Variants in LRRC1 observed in about 807,000 individuals in gnomAD.
LRRC1 encodes leucine-rich repeat-containing protein 1.
In LRRC1, 28 loss-of-function variants were observed where a neutral mutation model predicts 69.9. That is an observed-to-expected ratio of 0.40 (90% CI 0.30 to 0.55). LRRC1 has a LOEUF of 0.55. LRRC1 is among the 20% of genes least tolerant of loss of function. The probability of loss-of-function intolerance (pLI) is 0.47; values close to 1 mark genes in which losing one functional copy is unlikely to be tolerated. For missense variants in LRRC1, 498 were observed against 609.0 expected, an observed-to-expected ratio of 0.82 and a Z score of 1.92; for synonymous variants, 236 against 240.2, an observed-to-expected ratio of 0.98 and a Z score of 0.16.
At chr6:53,845,758 A>G (rs1765923707) in intron 2 of LRRC1, among the ~76,000 whole-genome samples, 1 of 152,222 alleles carries the variant, frequency 6.6e-6, no homozygotes. Flanking sequence ...GTTGCAGTAG[A>G]TCCAGAGTGG....
At chr6:53,809,452 G>T (rs1018671969) in intron 1 of LRRC1, among the ~76,000 whole-genome samples, 1 of 152,184 alleles carries the variant, frequency 6.6e-6, no homozygotes, top group Non-Finnish European at 1.5e-5. Context: ...TAACTATAGT[G>T]ATTCACTGAA....
At chr6:53,910,748 A>G (rs746944363) in intron 10 of LRRC1, among the ~76,000 whole-genome samples, 3 of 152,246 alleles carry the variant, frequency 2.0e-5, no homozygotes, top group Non-Finnish European at 4.4e-5. Flanking sequence ...ATCCAAAACC[A>G]CAAAACATAT....
intron 2 of LRRC1, among the ~76,000 whole-genome samples, chr6:53,875,170 C>T (rs1767024300): frequency 6.6e-6 from 1 of 152,142 alleles, no homozygotes; most frequent in Non-Finnish European, 1.5e-5. Flanking sequence ...GCCTTTGACA[C>T]AGTAATTCTA....
chr6:53,886,514 A>G (rs188884096), intron 4 of LRRC1, among the ~76,000 whole-genome samples: 12 of 152,348 alleles, frequency 7.9e-5, no homozygotes, highest in Middle Eastern at 3.4e-3. Context: ...GTGCAGTTCA[A>G]AGACAATCAT....
intron 9 of LRRC1, among the ~76,000 whole-genome samples, chr6:53,903,061 C>G (rs916927702): frequency 6.6e-6 from 1 of 152,120 alleles, no homozygotes; most frequent in African/African-American, 2.4e-5. Flanking sequence ...CTGTGGTGCC[C>G]AGAGACCACC....
chr6:53,851,606 A>T (rs142866694), intron 2 of LRRC1, among the ~76,000 whole-genome samples: 5 of 152,320 alleles, frequency 3.3e-5, no homozygotes, highest in African/African-American at 1.2e-4. Context: ...ACCCTCACAG[A>T]TACACCTAGA....
At chr6:53,896,988 T>C (rs1767895688) in intron 6 of LRRC1, 96 bp downstream of exon 6, 1 of 792,080 alleles carries the variant, frequency 1.3e-6, no homozygotes, top group African/African-American at 1.7e-5. Flanking sequence ...GAAGCCAGTA[T>C]TTCCACAGAT....
At chr6:53,807,745 C>T (rs1441399626) in intron 1 of LRRC1, among the ~76,000 whole-genome samples, 2 of 73,170 alleles carry the variant, frequency 2.7e-5, no homozygotes, top group East Asian at 6.2e-4. Flanking sequence ...AACTCCGTGT[C>T]GTCAACAACA....
rs1441296052 is a variant in LRRC1 at position 53,795,351 on chromosome 6, A to G, written c.95A>G (p.Tyr32Cys). 1.2e-6 allele frequency: 2 copies of G among 1,613,602 alleles called. No homozygotes were observed. The highest frequency in any genetic ancestry group is 2.2e-5 in the East Asian group (1 of 44,860). The part of the protein sequence containing the change: ...CSLVYVPEEI[Y>C]RYARSLEELL... ...CTGGTCTACGTCCCCGAGGAGATCT[A>G]CCGCTATGCCCGGAGCCTGGAGGAG... Residue 32 changes from tyrosine to cysteine, a missense_variant, in exon 1 of 14, where the codon TAC becomes TGC. Coordinates refer to ENST00000370888, the MANE Select transcript of LRRC1 (RefSeq NM_018214.5).
chr6:53,878,907 T>C (rs776066536), intron 2 of LRRC1, 86 bp from the exon 3 acceptor site: 5 of 728,872 alleles, frequency 6.9e-6, no homozygotes, highest in Non-Finnish European at 1.2e-5. Flanking sequence ...TTTCCAGATA[T>C]TCTCTTGTGA....
chr6:53,808,098 A>C (rs1445958241), intron 1 of LRRC1, among the ~76,000 whole-genome samples: 1 of 152,210 alleles, frequency 6.6e-6, no homozygotes, highest in East Asian at 1.9e-4. Flanking sequence ...TACCTGATTT[A>C]TGTTAGAGAG....
At chr6:53,872,004 T>TAAA (rs1766901766) in intron 2 of LRRC1, among the ~76,000 whole-genome samples, 1 of 152,182 alleles carries the variant, frequency 6.6e-6, no homozygotes, top group Admixed American at 6.5e-5. Context: ...TTTGAGGTCT[T>TAAA]GTCCAAAGAA....
intron 9 of LRRC1, 56 bp from the exon 10 acceptor site, chr6:53,904,323 T>G: frequency 9.6e-7 from 1 of 1,044,306 alleles, no homozygotes; most frequent in Non-Finnish European, 1.5e-6. Flanking sequence ...TCTTATTTAC[T>G]GTGAGCCATG....
intron 2 of LRRC1, among the ~76,000 whole-genome samples, chr6:53,862,611 A>C (rs1372203203): frequency 6.6e-6 from 1 of 152,180 alleles, no homozygotes; most frequent in Non-Finnish European, 1.5e-5. Flanking sequence ...GCAAGTACCA[A>C]GAATTGTGCA....
chr6:53,910,299 T>C (rs1334278847), intron 10 of LRRC1, among the ~76,000 whole-genome samples: 1 of 152,154 alleles, frequency 6.6e-6, no homozygotes, highest in African/African-American at 2.4e-5. Flanking sequence ...TAATAAGTTA[T>C]TTAAACAGTG....
intron 2 of LRRC1, among the ~76,000 whole-genome samples, chr6:53,873,595 G>A (rs1316428991): frequency 1.3e-5 from 2 of 151,966 alleles, no homozygotes; most frequent in Non-Finnish European, 2.9e-5. Flanking sequence ...CACCATGCCC[G>A]GCCGGGAAAT....
intron 1 of LRRC1, 33 bp downstream of exon 1, chr6:53,795,448 C>T: frequency 6.3e-7 from 1 of 1,587,226 alleles, no homozygotes; most frequent in South Asian, 1.1e-5. Context: ...GCGCTCTGCC[C>T]GCTCGTCTGC....
At chr6:53,903,891 C>T (rs1251242701) in intron 9 of LRRC1, among the ~76,000 whole-genome samples, 1 of 152,234 alleles carries the variant, frequency 6.6e-6, no homozygotes, top group Non-Finnish European at 1.5e-5. Context: ...TCTGGTAGAG[C>T]TCTGCTCCCC....
chr6:53,920,927 C>T (rs1196011492), intron 13 of LRRC1, 166 bp downstream of exon 13: 1 of 714,300 alleles, frequency 1.4e-6, no homozygotes, highest in African/African-American at 1.8e-5. Context: ...GGTACTCACT[C>T]ACAAAAGGTA....
Sources: gnomAD v4.1 joint callset for allele counts (sites outside exome capture counted in the v4.1 genomes callset) on GRCh38, gnomAD v4.1.1 for gene constraint, MANE v1.5 for transcripts, NCBI Gene and HGNC (gene_info 2026-07-23, HGNC 2026-07-21) for gene names.